Variants in ADGRB3 observed in about 807,000 individuals in gnomAD.
The protein encoded by ADGRB3 is brain-specific angiogenesis inhibitor 3.
A neutral mutation model predicts 193.4 loss-of-function variants in ADGRB3; 37 were observed. That is an observed-to-expected ratio of 0.19 (90% CI 0.15 to 0.25). ADGRB3 has a LOEUF of 0.25. Among genes scored for constraint, ADGRB3 ranks in the 10% least tolerant of loss-of-function variants. The pLI, the probability that ADGRB3 is intolerant of heterozygous loss-of-function variation, is 1.00. For synonymous variants in ADGRB3, 690 were observed against 644.2 expected (o/e 1.07, Z -1.08); for missense variants, 1,637 against 1,852.9 (o/e 0.88, Z 2.14).
chr6:69,285,773 C>T (rs1447686652), intron 20 of ADGRB3, among the ~76,000 whole-genome samples: 4 of 152,160 alleles, frequency 2.6e-5, no homozygotes, highest in African/African-American at 9.6e-5. Flanking sequence ...TCTGCATGCT[C>T]TCCTACTCTG....
At chr6:68,915,126 A>G (rs1337318715) in intron 3 of ADGRB3, among the ~76,000 whole-genome samples, 4 of 152,184 alleles carry the variant, frequency 2.6e-5, no homozygotes, top group Admixed American at 2.6e-4. Flanking sequence ...CTTATTAACT[A>G]TATGTCCTTA....
At chr6:69,228,094 A>G (rs1229564912) in intron 17 of ADGRB3, among the ~76,000 whole-genome samples, 6 of 152,136 alleles carry the variant, frequency 3.9e-5, no homozygotes, top group Non-Finnish European at 8.8e-5. Context: ...TGTCTCTACT[A>G]AAAATACAAA....
At chr6:68,657,030 T>A (rs1172924041) in intron 3 of ADGRB3, among the ~76,000 whole-genome samples, 2 of 151,618 alleles carry the variant, frequency 1.3e-5, no homozygotes, top group East Asian at 3.9e-4. Flanking sequence ...GTATAATGAC[T>A]TCGATTTTAT....
At chr6:68,883,752 G>C (rs1266223772) in intron 3 of ADGRB3, among the ~76,000 whole-genome samples, 4 of 152,130 alleles carry the variant, frequency 2.6e-5, no homozygotes, top group Non-Finnish European at 5.9e-5. Flanking sequence ...ACAAACGCCG[G>C]ACACGTCACC....
intron 3 of ADGRB3, among the ~76,000 whole-genome samples, chr6:68,755,054 C>T (rs1016896739): frequency 1.3e-5 from 2 of 152,154 alleles, no homozygotes; most frequent in African/African-American, 4.8e-5. Context: ...TGTGGTTGAG[C>T]AAATCTATAA....
chr6:68,985,537 A>G (rs1053448427), intron 10 of ADGRB3, among the ~76,000 whole-genome samples: 6 of 152,256 alleles, frequency 3.9e-5, no homozygotes, highest in Middle Eastern at 6.8e-3. Flanking sequence ...TTAGGTACCT[A>G]TGTGACTAGT....
intron 3 of ADGRB3, among the ~76,000 whole-genome samples, chr6:68,786,055 C>T (rs1358651149): frequency 6.6e-6 from 1 of 151,214 alleles, no homozygotes; most frequent in African/African-American, 2.5e-5. Flanking sequence ...GGATATTAGC[C>T]CGTTGTCAGA....
intron 3 of ADGRB3, among the ~76,000 whole-genome samples, chr6:68,893,427 G>C (rs954459592): frequency 6.6e-6 from 1 of 150,818 alleles, no homozygotes; most frequent in Non-Finnish European, 1.5e-5. Flanking sequence ...AATATAAAAA[G>C]AATTATATAT....
intron 13 of ADGRB3, among the ~76,000 whole-genome samples, chr6:69,036,151 T>A (rs1328480052): frequency 6.6e-6 from 1 of 152,210 alleles, no homozygotes; most frequent in Non-Finnish European, 1.5e-5. Context: ...GGACTCTTTC[T>A]TTCTCAATTT....
rs145280027 is a variant in ADGRB3, at chr6:68,757,826, C to G, written c.757+118394C>G. 7.2e-5 allele frequency among the ~76,000 whole-genome samples: 11 copies of G among 152,212 alleles called. No homozygotes were observed. The East Asian group carries it at 2.1e-3, about 29-fold the overall frequency. ...GTTTCAGCCCCTTGCAGCCTGGCTTCTATAGTCACCACTATGGAAACTATT... is the reference window on the plus strand; with the variant it reads ...GTTTCAGCCCCTTGCAGCCTGGCTTGTATAGTCACCACTATGGAAACTATT... On this transcript the variant is annotated intron_variant, in intron 3 of 31. Transcript: ENST00000370598.
intron 5 of ADGRB3, among the ~76,000 whole-genome samples, chr6:68,943,596 A>G (rs547596183): frequency 3.3e-5 from 5 of 152,330 alleles, no homozygotes; most frequent in East Asian, 3.9e-4. Flanking sequence ...TTTAAAATTT[A>G]TGACATGAAT....
chr6:69,074,764 C>T (rs564970736), intron 16 of ADGRB3, among the ~76,000 whole-genome samples: 1 of 152,108 alleles, frequency 6.6e-6, no homozygotes, highest in East Asian at 1.9e-4. Flanking sequence ...CCAGGATGGT[C>T]TCAATCTCCT....
intron 13 of ADGRB3, among the ~76,000 whole-genome samples, chr6:69,040,305 G>GTT (rs1562132962): frequency 1.9e-5 from 2 of 106,830 alleles, no homozygotes; most frequent in African/African-American, 3.9e-5. Context: ...TCCTTTCTCT[G>GTT]TCTCTTTCTT....
chr6:68,801,427 C>T (rs1227481672), intron 3 of ADGRB3, among the ~76,000 whole-genome samples: 1 of 152,150 alleles, frequency 6.6e-6, no homozygotes, highest in African/African-American at 2.4e-5. Flanking sequence ...GTGGCTCATG[C>T]CTGTAATCCC....
chr6:69,115,676 GC>G (rs774389029), intron 17 of ADGRB3, among the ~76,000 whole-genome samples: 3 of 152,164 alleles, frequency 2.0e-5, no homozygotes, highest in Non-Finnish European at 4.4e-5. Flanking sequence ...ATCATATACA[GC>G]CTTTGTGGCA....
chr6:68,926,582 G>A (rs1767187052), intron 3 of ADGRB3, among the ~76,000 whole-genome samples: 1 of 152,152 alleles, frequency 6.6e-6, no homozygotes, highest in Admixed American at 6.6e-5. Flanking sequence ...TAATGGCCTA[G>A]GTGAGGATGA....
At chr6:69,124,536 T>C (rs1183649570) in intron 17 of ADGRB3, among the ~76,000 whole-genome samples, 1 of 152,062 alleles carries the variant, frequency 6.6e-6, no homozygotes, top group Admixed American at 6.6e-5. Context: ...ATTAGAAGAG[T>C]GTTGTCGGGT....
chr6:68,778,674 T>C (rs868279180), intron 3 of ADGRB3, among the ~76,000 whole-genome samples: 2 of 152,102 alleles, frequency 1.3e-5, no homozygotes, highest in Admixed American at 6.6e-5. Context: ...CTACACTACA[T>C]TTCTCACTGA....
chr6:69,254,478 T>C (rs555737961), intron 20 of ADGRB3, among the ~76,000 whole-genome samples: 5 of 152,278 alleles, frequency 3.3e-5, no homozygotes, highest in East Asian at 1.9e-4. Context: ...TTTTCATTTA[T>C]CCCTGTGAGG....
Sources: gnomAD v4.1 joint callset for allele counts (sites outside exome capture counted in the v4.1 genomes callset) on GRCh38, gnomAD v4.1.1 for gene constraint, MANE v1.5 for transcripts, NCBI Gene and HGNC (gene_info 2026-07-23, HGNC 2026-07-21) for gene names.